The following PPP6R3 variants were observed in gnomAD, a reference collection of about 807,000 sequenced individuals.
PPP6R3 encodes serine/threonine-protein phosphatase 6 regulatory subunit 3.
PPP6R3 carries 38 observed loss-of-function variants against 110.7 expected under a neutral mutation model. The ratio of observed to expected loss-of-function variants is 0.34; its 90% CI spans 0.26 to 0.45. The LOEUF (loss-of-function observed/expected upper bound fraction) is 0.45, where lower values mean the gene tolerates loss of function less well. Ranked by LOEUF, PPP6R3 falls within the 20% of genes least tolerant of loss-of-function variation. The pLI is 1.00. For synonymous variants in PPP6R3, 369 were observed against 373.5 expected, an observed-to-expected ratio of 0.99 and a Z score of 0.14; for missense variants, 870 against 1,062.4, an observed-to-expected ratio of 0.82 and a Z score of 2.52.
At chr11:68,536,329 C>T (rs1267432310) in intron 2 of PPP6R3, among the ~76,000 whole-genome samples, 1 of 151,800 alleles carries the variant, frequency 6.6e-6, no homozygotes, top group Non-Finnish European at 1.5e-5. Context: ...CACCCTGTTG[C>T]CCTGCTGGAG....
At chr11:68,564,071 A>G (rs944158498) in intron 8 of PPP6R3, among the ~76,000 whole-genome samples, 1 of 152,162 alleles carries the variant, frequency 6.6e-6, no homozygotes, top group Non-Finnish European at 1.5e-5. Context: ...ATGGGAAGAA[A>G]TCACATGTAA....
At chr11:68,461,042 G>A (rs983920837) in intron 1 of PPP6R3, among the ~76,000 whole-genome samples, 4 of 151,764 alleles carry the variant, frequency 2.6e-5, no homozygotes, top group Non-Finnish European at 4.4e-5. Flanking sequence ...TGTTAGCCGG[G>A]GGCCCCGCCA....
chr11:68,602,838 G>C (rs537268733), intron 21 of PPP6R3, among the ~76,000 whole-genome samples: 4 of 152,286 alleles, frequency 2.6e-5, no homozygotes, highest in African/African-American at 7.2e-5. Context: ...TGGTGATGTC[G>C]ATGTTTGAAT....
In PPP6R3 at chr11:68,498,924, G is replaced by T. The variant is rs568945621; in HGVS notation, c.-157-20577G>T. ...ATTGTACCAAATTAGGCTTCCATCA[G>T]CAGTGTGTGAAAGTTCCACTTACTC... On this transcript the variant is annotated intron_variant, in intron 1 of 23. Coordinates refer to ENST00000393800, the MANE Select transcript of PPP6R3 (RefSeq NM_001164161.2). Among the ~76,000 whole-genome samples the T allele has an allele frequency of 3.3e-4, 50 of 152,262 alleles. 1 individual carries two copies. Among genetic ancestry groups the T allele is most frequent in the African/African-American group, 1.2e-3 (50 of 41,576 alleles).
At chr11:68,600,217 C>T (rs1349479109) in intron 19 of PPP6R3, 124 bp from the exon 20 acceptor site, 2 of 1,098,900 alleles carry the variant, frequency 1.8e-6, no homozygotes, top group African/African-American at 3.1e-5. Flanking sequence ...CTCCTGCCCT[C>T]ATTGGTGAGA....
chr11:68,512,115 G>A (rs571268839), intron 1 of PPP6R3, among the ~76,000 whole-genome samples: 2 of 152,262 alleles, frequency 1.3e-5, no homozygotes, highest in East Asian at 3.9e-4. Context: ...GGTTGATAAA[G>A]TTTGACTGTG....
intron 1 of PPP6R3, among the ~76,000 whole-genome samples, chr11:68,481,909 T>C (rs1177426744): frequency 6.6e-6 from 1 of 152,114 alleles, no homozygotes; most frequent in Admixed American, 6.6e-5. Flanking sequence ...CATCTTGAGA[T>C]GAAGCAGCTG....
At chr11:68,571,979 A>T (rs774671808) in intron 12 of PPP6R3, among the ~76,000 whole-genome samples, 15 of 147,966 alleles carry the variant, frequency 1.0e-4, no homozygotes, top group Admixed American at 4.7e-4. Context: ...AAGCTAGATG[A>T]CTCTTGGGAG....
chr11:68,540,437 C>T (rs1236049136), intron 3 of PPP6R3, among the ~76,000 whole-genome samples: 1 of 152,064 alleles, frequency 6.6e-6, no homozygotes, highest in Non-Finnish European at 1.5e-5. Context: ...AAGTACTTAA[C>T]AGGGTAATAG....
At chr11:68,601,671 C>T (rs962489542) in intron 20 of PPP6R3, among the ~76,000 whole-genome samples, 192 bp from the exon 21 acceptor site, 4 of 152,106 alleles carry the variant, frequency 2.6e-5, no homozygotes, top group South Asian at 2.1e-4. Flanking sequence ...TTTGCCTGCC[C>T]GCACTCATGT....
chr11:68,597,983 A>G (rs2099619320), intron 19 of PPP6R3, among the ~76,000 whole-genome samples: 1 of 144,312 alleles, frequency 6.9e-6, no homozygotes, highest in Non-Finnish European at 1.6e-5. Flanking sequence ...CATCTGGGGA[A>G]AAAAAAAAAG....
intron 1 of PPP6R3, among the ~76,000 whole-genome samples, chr11:68,481,295 G>T (rs574182433): frequency 3.3e-5 from 5 of 152,350 alleles, no homozygotes; most frequent in Non-Finnish European, 7.3e-5. Context: ...AATCCTGTCA[G>T]TTCTGGTCCT....
In PPP6R3 at chr11:68,613,072, C is replaced by T; in HGVS notation, c.2577C>T (p.Gly859=). Residue 859 remains glycine (G), a synonymous_variant, in exon 24 of 24, where the codon GGC becomes GGT. Transcript: ENST00000393800. ...CCTGTCTGTTGCTCCTTAGGACTGGCCAACCAAGCGCACCAGGTGACACTT... is the reference window on the plus strand; with the variant it reads ...CCTGTCTGTTGCTCCTTAGGACTGGTCAACCAAGCGCACCAGGTGACACTT... ...PPSSSPEQRT[G]QPSAPGDTSV... The T allele has an allele frequency of 6.2e-7, 1 of 1,614,104 alleles. No homozygotes were observed. The highest frequency in any genetic ancestry group is 8.5e-7 in the Non-Finnish European group (1 of 1,179,996).
At chr11:68,611,764 T>A (rs572951706) in intron 23 of PPP6R3, among the ~76,000 whole-genome samples, 1 of 152,202 alleles carries the variant, frequency 6.6e-6, no homozygotes, top group South Asian at 2.1e-4. Context: ...GGAGTGGGCA[T>A]TAGGGCAGAC....
intron 8 of PPP6R3, 90 bp from the exon 9 acceptor site, chr11:68,564,213 A>G (rs2099445611): frequency 7.6e-7 from 1 of 1,313,768 alleles, no homozygotes; most frequent in Non-Finnish European, 1.0e-6. Flanking sequence ...AAAAGTTGAT[A>G]TAATCATTAA....
intron 9 of PPP6R3, 132 bp downstream of exon 9, chr11:68,564,564 C>T (rs536665206): frequency 2.0e-6 from 2 of 977,530 alleles, no homozygotes; most frequent in Non-Finnish European, 2.9e-6. Flanking sequence ...AAAGATAACA[C>T]TGCCAGTGAT....
chr11:68,576,656 T>C (rs1357402943), intron 14 of PPP6R3, among the ~76,000 whole-genome samples: 2 of 152,236 alleles, frequency 1.3e-5, no homozygotes, highest in Non-Finnish European at 2.9e-5. Flanking sequence ...ATTGCTTTTT[T>C]CTGCTTTTAA....
intron 1 of PPP6R3, among the ~76,000 whole-genome samples, chr11:68,498,973 C>A (rs1167962868): frequency 6.6e-6 from 1 of 152,106 alleles, no homozygotes; most frequent in African/African-American, 2.4e-5. Context: ...GTATTTCATC[C>A]TTTTCATTTT....
intron 9 of PPP6R3, 71 bp from the exon 10 acceptor site, chr11:68,566,943 A>G (rs1463374413): frequency 2.2e-6 from 3 of 1,376,284 alleles, no homozygotes; most frequent in Non-Finnish European, 2.0e-6. Context: ...AACTAGTGTC[A>G]TGTCTTAGCA....
Sources: gnomAD v4.1 joint callset for allele counts (sites outside exome capture counted in the v4.1 genomes callset) on GRCh38, gnomAD v4.1.1 for gene constraint, MANE v1.5 for transcripts, NCBI Gene and HGNC (gene_info 2026-07-23, HGNC 2026-07-21) for gene names.